SPHKAP: variants seen among roughly 807,000 people sequenced by gnomAD.
The protein encoded by SPHKAP is SPHK1 interactor, AKAP domain containing.
A neutral mutation model predicts 137.5 loss-of-function variants in SPHKAP; 67 were observed. The observed-to-expected ratio is 0.49, with a 90% CI of 0.40 to 0.60. SPHKAP has a LOEUF of 0.60. Ranked by LOEUF, SPHKAP falls within the 20% of genes least tolerant of loss-of-function variation. The pLI is 0.00. For missense variants in SPHKAP, 2,097 were observed against 2,069.3 expected (o/e 1.01, Z -0.26); for synonymous variants, 813 against 785.3 (o/e 1.04, Z -0.59).
intron 3 of SPHKAP, among the ~76,000 whole-genome samples, chr2:228,067,811 T>A (rs1696876624): frequency 6.6e-6 from 1 of 152,172 alleles, no homozygotes; most frequent in Non-Finnish European, 1.5e-5. Context: ...CAGTTGGTCC[T>A]CTGTATCTGT....
At chr2:228,066,195 G>T (rs1021221600) in intron 3 of SPHKAP, among the ~76,000 whole-genome samples, 2 of 152,210 alleles carry the variant, frequency 1.3e-5, no homozygotes, top group African/African-American at 4.8e-5. Context: ...TGGAATAAGT[G>T]TCAGAGAAGC....
At chr2:228,110,442 T>G (rs1698483493) in intron 2 of SPHKAP, among the ~76,000 whole-genome samples, 1 of 152,206 alleles carries the variant, frequency 6.6e-6, no homozygotes, top group Non-Finnish European at 1.5e-5. Context: ...CCTTTGTGGA[T>G]GAGCAAGTAA....
chr2:228,082,942 AT>A (rs1697409907), intron 3 of SPHKAP, among the ~76,000 whole-genome samples: 1 of 152,170 alleles, frequency 6.6e-6, no homozygotes, highest in Non-Finnish European at 1.5e-5. Context: ...CACAGAAGTC[AT>A]TTAGTGCACC....
chr2:227,987,787 C>A (rs559857212), intron 11 of SPHKAP, among the ~76,000 whole-genome samples: 1 of 152,162 alleles, frequency 6.6e-6, no homozygotes, highest in Non-Finnish European at 1.5e-5. Flanking sequence ...TTCCCTAGCA[C>A]ATACCTCCCT....
At chr2:228,049,001 A>C (rs923188599) in intron 3 of SPHKAP, among the ~76,000 whole-genome samples, 1 of 152,132 alleles carries the variant, frequency 6.6e-6, no homozygotes, top group Non-Finnish European at 1.5e-5. Context: ...TAGACCGGGA[A>C]AGGGAGTGTG....
At chr2:228,106,395 C>A (rs1020820086) in intron 3 of SPHKAP, among the ~76,000 whole-genome samples, 1 of 152,070 alleles carries the variant, frequency 6.6e-6, no homozygotes, top group East Asian at 1.9e-4. Flanking sequence ...GCTGGGTCCC[C>A]CCAGAGTTAT....
intron 2 of SPHKAP, among the ~76,000 whole-genome samples, chr2:228,116,931 T>C (rs1398494433): frequency 6.6e-6 from 1 of 152,134 alleles, no homozygotes; most frequent in Non-Finnish European, 1.5e-5. Flanking sequence ...GCACACATTT[T>C]TTTCATATCA....
chr2:228,160,494 C>T (rs990453793), intron 1 of SPHKAP, among the ~76,000 whole-genome samples: 1 of 152,090 alleles, frequency 6.6e-6, no homozygotes, highest in African/African-American at 2.4e-5. Flanking sequence ...GGAGAAGCAT[C>T]GAGCAAAGAG....
At chr2:228,158,725 G>C (rs1700183857) in intron 1 of SPHKAP, among the ~76,000 whole-genome samples, 1 of 152,028 alleles carries the variant, frequency 6.6e-6, no homozygotes, top group African/African-American at 2.4e-5. Context: ...ATACCCAATG[G>C]CATGTTGGAT....
chr2:228,082,175 A>C (rs1697384621), intron 3 of SPHKAP, among the ~76,000 whole-genome samples: 1 of 152,194 alleles, frequency 6.6e-6, no homozygotes, highest in Non-Finnish European at 1.5e-5. Context: ...CTAGAAAATC[A>C]AGGATATGAA....
At chr2:228,178,648 A>T (rs1700808068) in intron 1 of SPHKAP, among the ~76,000 whole-genome samples, 1 of 152,136 alleles carries the variant, frequency 6.6e-6, no homozygotes, top group Non-Finnish European at 1.5e-5. Flanking sequence ...TTAAAAAAAA[A>T]TCCCTCTTAA....
intron 1 of SPHKAP, among the ~76,000 whole-genome samples, chr2:228,148,212 TCTTG>T (rs1182676617): frequency 6.6e-6 from 1 of 152,186 alleles, no homozygotes; most frequent in Non-Finnish European, 1.5e-5. Flanking sequence ...GTATGGCTAC[TCTTG>T]CTGAGAGAAG....
In SPHKAP at chr2:228,119,459, A is replaced by ACACACACACACACG. The variant is rs1204626884; in HGVS notation, c.139-10521_139-10520insCGTGTGTGTGTGTG. On this transcript the variant is annotated intron_variant, in intron 2 of 11. Coordinates refer to ENST00000392056, the MANE Select transcript of SPHKAP (RefSeq NM_001142644.2). ...ATAATAGTTTAAAAGCCTAGTATAC[A>ACACACACACACACG]CACACACACACACTCTCTCTCTCTC... is the stretch of plus-strand genomic sequence containing the variant. 9.7e-3 allele frequency among the ~76,000 whole-genome samples: 1,452 copies of ACACACACACACACG among 150,296 alleles called. 17 individuals are homozygous for ACACACACACACACG. Among genetic ancestry groups the ACACACACACACACG allele is most frequent in the African/African-American group, 0.034 (1,382 of 40,370 alleles).
At position 228,181,481 on chromosome 2, in the gene SPHKAP, G is replaced by A; in HGVS notation, c.32+86C>T. On this transcript the variant is annotated intron_variant, in intron 1 of 11. Transcript: ENST00000392056. This position sits in a 1 kb window ranked among gnomAD's most constrained non-coding sequence, Gnocchi z 4.3. ...CTGGGAGCCCCGTGCAAACCGAAGC[G>A]CTCTGGGGCAAGTTGGTGAGCGACT... The A allele has an allele frequency of 6.3e-7, 1 of 1,592,368 alleles. No individual in the cohort carries two copies. Among genetic ancestry groups the A allele is most frequent in the South Asian group, 1.1e-5 (1 of 90,606 alleles).
intron 7 of SPHKAP, among the ~76,000 whole-genome samples, chr2:228,004,817 C>T (rs2106186901): frequency 6.6e-6 from 1 of 152,254 alleles, no homozygotes; most frequent in African/African-American, 2.4e-5. Context: ...GTTATGTACC[C>T]AGTAGTCATT....
At chr2:228,037,215 A>G (rs1254222095) in intron 3 of SPHKAP, among the ~76,000 whole-genome samples, 2 of 152,112 alleles carry the variant, frequency 1.3e-5, no homozygotes, top group Non-Finnish European at 2.9e-5. Context: ...TTCCATGAAA[A>G]AAAATGCATC....
At chr2:227,984,755 A>G (rs1471834874) in intron 11 of SPHKAP, among the ~76,000 whole-genome samples, 1 of 152,144 alleles carries the variant, frequency 6.6e-6, no homozygotes, top group Non-Finnish European at 1.5e-5. Context: ...AGGCCTGGAC[A>G]TTGAGTTTCT....
chr2:228,038,087 A>G (rs1242837926), intron 3 of SPHKAP, among the ~76,000 whole-genome samples: 1 of 152,212 alleles, frequency 6.6e-6, no homozygotes, highest in Non-Finnish European at 1.5e-5. Context: ...AATGTCTTCA[A>G]AGTGCTTGGT....
At chr2:228,178,640 A>T (rs1487582287) in intron 1 of SPHKAP, among the ~76,000 whole-genome samples, 12 of 149,526 alleles carry the variant, frequency 8.0e-5, no homozygotes, top group Non-Finnish European at 1.4e-4. Flanking sequence ...ATTTTAGATT[A>T]AAAAAAAATC....
Sources: gnomAD v4.1 joint callset for allele counts (sites outside exome capture counted in the v4.1 genomes callset) on GRCh38, gnomAD v4.1.1 for gene constraint, Gnocchi (gnomAD v3.1) non-coding constraint, MANE v1.5 for transcripts, NCBI Gene and HGNC (gene_info 2026-07-23, HGNC 2026-07-21) for gene names.